Variants in NOTCH2NLC observed in about 807,000 individuals in gnomAD.
NOTCH2NLC encodes the protein notch 2 N-terminal like C.
NOTCH2NLC carries 4 observed loss-of-function variants against 17.7 expected under a neutral mutation model. The observed-to-expected ratio is 0.23, with a 90% CI of 0.11 to 0.52. NOTCH2NLC has a LOEUF of 0.52. NOTCH2NLC is among the 20% of genes least tolerant of loss of function. NOTCH2NLC has a pLI of 0.96. For missense variants in NOTCH2NLC, 57 were observed against 207.2 expected (o/e 0.28, Z 4.45); for synonymous variants, 18 against 86.0 (o/e 0.21, Z 4.38).
intron 3 of NOTCH2NLC, among the ~76,000 whole-genome samples, chr1:149,460,590 G>A (rs2084638363): frequency 6.7e-6 from 1 of 149,872 alleles, no homozygotes. Flanking sequence ...ACCCGCCTTG[G>A]CCTCCCAAAG....
chr1:149,400,139 A>ATATATATTTT (rs1570899101), intron 1 of NOTCH2NLC, among the ~76,000 whole-genome samples: 2 of 131,972 alleles, frequency 1.5e-5, no homozygotes, highest in African/African-American at 5.7e-5. Flanking sequence ...TATAATATAT[A>ATATATATTTT]TTTTTTTTTT....
intron 1 of NOTCH2NLC, among the ~76,000 whole-genome samples, chr1:149,410,871 GGTT>G (rs2084295115): frequency 6.7e-6 from 1 of 150,068 alleles, no homozygotes; most frequent in Admixed American, 6.7e-5. Flanking sequence ...ATATTAGAGT[GGTT>G]GTTTCAGAGA....
Position 149,443,190 on chromosome 1 carries a change from AT to A in NOTCH2NLC, c.210-12127del, listed in dbSNP as rs1336786664. 1.4e-4 allele frequency among the ~76,000 whole-genome samples: 8 copies of A among 55,318 alleles called. No homozygotes were observed. In the Admixed American group the frequency reaches 1.6e-3, roughly 11 times the overall value. The allele number at this position is 55,318 out of a possible 152,430, so 36.3% of individuals were successfully genotyped here. On this transcript the variant is annotated intron_variant, in intron 2 of 4. Coordinates refer to ENST00000650865, the MANE Select transcript of NOTCH2NLC (RefSeq NM_001364013.2). ...AGGTGGGAGGGAAGGTGATTAAAAA[AT>A]AATCTACTTTGCATGGAGTTGGCCC...
intron 3 of NOTCH2NLC, among the ~76,000 whole-genome samples, chr1:149,460,855 CTT>C (rs2084641395): frequency 3.3e-3 from 5 of 1,508 alleles, no homozygotes; most frequent in Non-Finnish European, 0.011. Flanking sequence ...TTCTTTCTCC[CTT>C]TCTTTCTTTC....
At chr1:149,429,602 A>T (rs2084432497) in intron 1 of NOTCH2NLC, among the ~76,000 whole-genome samples, 2 of 151,400 alleles carry the variant, frequency 1.3e-5, no homozygotes, top group South Asian at 4.2e-4. Flanking sequence ...ATTACCATTT[A>T]AAAATATTAT....
chr1:149,429,036 G>T (rs1400390330), intron 1 of NOTCH2NLC, among the ~76,000 whole-genome samples: 1 of 144,784 alleles, frequency 6.9e-6, no homozygotes, highest in Non-Finnish European at 1.5e-5. Context: ...AATTATAGTT[G>T]TTGCATTGGG....
At chr1:149,395,047 C>T (rs1409402849) in intron 1 of NOTCH2NLC, among the ~76,000 whole-genome samples, 1 of 150,264 alleles carries the variant, frequency 6.7e-6, no homozygotes, top group Admixed American at 6.6e-5. Context: ...GACTAGAATT[C>T]CTTTCTTCTG....
intron 1 of NOTCH2NLC, among the ~76,000 whole-genome samples, chr1:149,419,303 A>G (rs2084365235): frequency 6.6e-6 from 1 of 150,908 alleles, no homozygotes; most frequent in African/African-American, 2.4e-5. Flanking sequence ...AGACAATGTA[A>G]CTTTTTGAGT....
In NOTCH2NLC at chr1:149,466,142, T is replaced by G. The variant is rs1188471354; in HGVS notation, c.*1989T>G. On this transcript the variant is annotated 3_prime_UTR_variant, in exon 5 of 5. Transcript: ENST00000650865. ...AGCACTTTGTAGGTGTGTAAAACTTTTCGTTAAATGCTTTAAGCTGTTTGG... is the reference window on the plus strand; with the variant it reads ...AGCACTTTGTAGGTGTGTAAAACTTGTCGTTAAATGCTTTAAGCTGTTTGG... 1 of 90,816 alleles carries G rather than the reference T, an allele frequency of 1.1e-5. No individual in the cohort carries two copies. Among genetic ancestry groups the G allele is most frequent in the African/African-American group, 4.3e-5 (1 of 23,042 alleles). 5.6% of individuals were successfully genotyped at this position (90,816 alleles called of 1,614,324 possible).
At chr1:149,423,763 A>C (rs1442130689) in intron 1 of NOTCH2NLC, among the ~76,000 whole-genome samples, 1 of 148,294 alleles carries the variant, frequency 6.7e-6, no homozygotes, top group African/African-American at 2.5e-5. Context: ...CTTCCGATTG[A>C]GCAGTGGGTC....
chr1:149,454,776 A>T (rs1457273995), intron 2 of NOTCH2NLC, among the ~76,000 whole-genome samples: 4 of 150,446 alleles, frequency 2.7e-5, no homozygotes, highest in African/African-American at 9.7e-5. Context: ...TTGATGTTTC[A>T]GTGGAAATAA....
chr1:149,398,519 C>CT lies in NOTCH2NLC; in HGVS notation c.135+7597_135+7598insT, dbSNP rs1442044494. 1.2e-4 allele frequency among the ~76,000 whole-genome samples: 18 copies of CT among 150,614 alleles called. No individual in the cohort carries two copies. In the South Asian group the frequency reaches 1.7e-3, roughly 14 times the overall value. The stretch of plus-strand genomic sequence containing the variant: ...CACCCAGAGTTGCTGCCTCAGGTGG[C>CT]ATTGATTAATCATACTAATATCTCC... On this transcript the variant is annotated intron_variant, in intron 1 of 4. Transcript: ENST00000650865.
chr1:149,437,491 T>G, intron 2 of NOTCH2NLC, among the ~76,000 whole-genome samples: 2 of 106,014 alleles, frequency 1.9e-5, no homozygotes, highest in African/African-American at 3.4e-5. Context: ...TGAGACAGAG[T>G]CTCGCTCTGT....
intron 1 of NOTCH2NLC, among the ~76,000 whole-genome samples, chr1:149,392,831 G>A (rs1336894331): frequency 4.0e-5 from 6 of 150,794 alleles, no homozygotes; most frequent in East Asian, 2.0e-4. Flanking sequence ...CAGCACTTTG[G>A]GAGGCCGAGG....
chr1:149,463,169 A>C (rs2084661172), intron 3 of NOTCH2NLC, among the ~76,000 whole-genome samples: 1 of 150,696 alleles, frequency 6.6e-6, no homozygotes, highest in Non-Finnish European at 1.5e-5. Flanking sequence ...AGCATATGCA[A>C]AGACAGCTCT....
intron 1 of NOTCH2NLC, among the ~76,000 whole-genome samples, chr1:149,419,556 A>G (rs1453125283): frequency 6.7e-6 from 1 of 149,950 alleles, no homozygotes; most frequent in Non-Finnish European, 1.5e-5. Flanking sequence ...GACTGCTACA[A>G]CTCTGCAGAA....
chr1:149,462,833 ATTTTTTTT>A (rs878889477), intron 3 of NOTCH2NLC, among the ~76,000 whole-genome samples: 3 of 117,092 alleles, frequency 2.6e-5, no homozygotes, highest in Non-Finnish European at 3.5e-5. Flanking sequence ...CGGGAAGTTG[ATTTTTTTT>A]TTTTTTTTTT....
At chr1:149,436,884 A>AT (rs1200063249) in intron 2 of NOTCH2NLC, among the ~76,000 whole-genome samples, 2 of 120,400 alleles carry the variant, frequency 1.7e-5, no homozygotes, top group African/African-American at 3.2e-5. Flanking sequence ...TTTTTGGCTC[A>AT]TTAAATACCT....
chr1:149,444,743 G>GTGTACA (rs2084538549), intron 2 of NOTCH2NLC, among the ~76,000 whole-genome samples: 2 of 129,598 alleles, frequency 1.5e-5, no homozygotes, highest in South Asian at 5.0e-4. Flanking sequence ...GTATGTGTGT[G>GTGTACA]TGTACGTGTG....
Sources: gnomAD v4.1 joint callset for allele counts (sites outside exome capture counted in the v4.1 genomes callset) on GRCh38, gnomAD v4.1.1 for gene constraint, MANE v1.5 for transcripts, NCBI Gene and HGNC (gene_info 2026-07-23, HGNC 2026-07-21) for gene names.